Variants in HSP90AA1 observed in about 807,000 individuals in gnomAD.
HSP90AA1 encodes heat shock protein HSP 90-alpha.
In HSP90AA1, 18 loss-of-function variants were observed where a neutral mutation model predicts 73.3. The ratio of observed to expected loss-of-function variants is 0.25; its 90% CI spans 0.17 to 0.36. The LOEUF (loss-of-function observed/expected upper bound fraction) is 0.36. Among genes scored for constraint, HSP90AA1 ranks in the 10% least tolerant of loss-of-function variants. HSP90AA1 has a pLI of 1.00. For synonymous variants in HSP90AA1, 477 were observed against 296.9 expected (o/e 1.61, Z -6.24); for missense variants, 704 against 874.2 (o/e 0.81, Z 2.45).
intron 1 of HSP90AA1, among the ~76,000 whole-genome samples, chr14:102,130,182 G>A (rs1300324403): frequency 6.6e-6 from 1 of 152,144 alleles, no homozygotes; most frequent in African/African-American, 2.4e-5. Flanking sequence ...CGTTGGTGAG[G>A]CTGGTCTCGA....
chr14:102,121,896 CAT>C (rs994613226), intron 1 of HSP90AA1, among the ~76,000 whole-genome samples: 2 of 152,092 alleles, frequency 1.3e-5, no homozygotes, highest in Admixed American at 1.3e-4. Context: ...AATCCCTTGC[CAT>C]ATGTGTTGTG....
intron 1 of HSP90AA1, among the ~76,000 whole-genome samples, chr14:102,120,441 T>C (rs1333937017): frequency 6.6e-6 from 1 of 152,176 alleles, no homozygotes. Flanking sequence ...TATATTTATA[T>C]AGTACATTAC....
At chr14:102,134,732 A>G (rs2049960025) in intron 1 of HSP90AA1, among the ~76,000 whole-genome samples, 2 of 152,158 alleles carry the variant, frequency 1.3e-5, no homozygotes, top group African/African-American at 4.8e-5. Flanking sequence ...TGAGTGTTAC[A>G]GCTCATAAAA....
intron 1 of HSP90AA1, among the ~76,000 whole-genome samples, chr14:102,134,282 G>C (rs572025985): frequency 7.5e-6 from 1 of 133,304 alleles, no homozygotes; most frequent in South Asian, 2.3e-4. Context: ...CCGACATGGA[G>C]CCACTACTCA....
chr14:102,090,642 G>T (rs1016649545), upstream of HSP90AA1, among the ~76,000 whole-genome samples: 1 of 152,038 alleles, frequency 6.6e-6, no homozygotes, highest in African/African-American at 2.4e-5. Flanking sequence ...AAGTAGAGAG[G>T]GGGTTTCACC....
intron 2 of HSP90AA1, among the ~76,000 whole-genome samples, chr14:102,101,203 C>T (rs565356492): frequency 2.0e-5 from 3 of 152,354 alleles, no homozygotes; most frequent in Admixed American, 1.3e-4. Flanking sequence ...ATAATGTTCA[C>T]TGCCATATTA....
Position 102,082,304 on chromosome 14 carries a change from T to C in HSP90AA1, c.1896A>G (p.Lys632=), listed in dbSNP as rs776681824. 7 of 1,613,846 alleles carry C rather than the reference T, an allele frequency of 4.3e-6. No individual in the cohort carries two copies. The African/African-American group carries it at 6.7e-5, about 15-fold the overall frequency. ...NSTMGYMAAK[K]HLEINPDHSI... is the part of the protein sequence containing the mutation. Reference sequence around the variant, plus strand: ...AATGGTCAGGGTTTATCTCCAGGTGTTTCTTTGCTGCCATGTAACCCATTG... The same window carrying C: ...AATGGTCAGGGTTTATCTCCAGGTGCTTCTTTGCTGCCATGTAACCCATTG... The change falls in exon 10 of 11, where the codon AAA becomes AAG. Residue 632 remains lysine (K), a synonymous_variant. Transcript: ENST00000216281.
intron 1 of HSP90AA1, among the ~76,000 whole-genome samples, chr14:102,109,152 A>G (rs976135957): frequency 5.3e-5 from 8 of 152,158 alleles, no homozygotes; most frequent in Non-Finnish European, 7.4e-5. Flanking sequence ...GATAACCAAC[A>G]TTCTGACACC....
intron 1 of HSP90AA1, among the ~76,000 whole-genome samples, chr14:102,129,334 A>G (rs758316478): frequency 3.3e-5 from 5 of 151,036 alleles, no homozygotes; most frequent in Non-Finnish European, 7.4e-5. Context: ...TTTTAACTGC[A>G]CATATAATTC....
chr14:102,129,976 T>G (rs997255114), intron 1 of HSP90AA1, among the ~76,000 whole-genome samples: 57 of 116,870 alleles, frequency 4.9e-4, no homozygotes, highest in African/African-American at 1.5e-3. Context: ...TTTTTTTTGT[T>G]TTGTTTTGTT....
chr14:102,135,648 C>T (rs2152628127), intron 1 of HSP90AA1, among the ~76,000 whole-genome samples: 1 of 152,378 alleles, frequency 6.6e-6, no homozygotes, highest in Admixed American at 6.5e-5. Flanking sequence ...GGTCCCGGAG[C>T]CCTGCCCCGC....
intron 1 of HSP90AA1, among the ~76,000 whole-genome samples, chr14:102,119,997 CA>C (rs1262275651): frequency 1.2e-4 from 18 of 152,222 alleles, no homozygotes; most frequent in Middle Eastern, 3.4e-3. Context: ...AATCACTTAT[CA>C]CACCAAAAAG....
chr14:102,081,759 G>C lies in HSP90AA1; in HGVS notation c.2152C>G (p.Pro718Ala), dbSNP rs770739846. Reference protein sequence around the residue: ...TSAAVTEEMPPLEGDDDTSRM... With the variant: ...TSAAVTEEMPALEGDDDTSRM... ...GATGTGTCGTCATCTCCTTCAAGGG[G>C]TGGCATTTCTTCAGTTACAGCAGCA... The change falls in exon 11 of 11, where the codon CCC becomes GCC. Residue 718 changes from proline to alanine, a missense_variant. Physicochemically the swap from Pro to Ala is conservative, Grantham distance 27 (BLOSUM62 -1). Coordinates refer to ENST00000216281, the MANE Select transcript of HSP90AA1 (RefSeq NM_005348.4). 1 of 1,597,926 alleles carries C rather than the reference G, an allele frequency of 6.3e-7. No homozygotes were observed. Among genetic ancestry groups the C allele is most frequent in the Admixed American group, 1.7e-5 (1 of 59,962 alleles).
At chr14:102,125,846 G>A (rs1295542679) in intron 1 of HSP90AA1, among the ~76,000 whole-genome samples, 1 of 152,132 alleles carries the variant, frequency 6.6e-6, no homozygotes, top group Non-Finnish European at 1.5e-5. Context: ...TGGCAAGTGT[G>A]TATTGAGTAC....
rs1230445506 is a variant in HSP90AA1, at chr14:102,131,977, C to T, written c.155+7273G>A. On this transcript the variant is annotated intron_variant, in intron 1 of 11. Coordinates refer to the HSP90AA1 transcript ENST00000334701. ...ACAGGCTGGCTGTGGTGGCTCATAC[C>T]TGTAATCACAACACTTCGTGAGGCT... 6.6e-5 allele frequency among the ~76,000 whole-genome samples: 10 copies of T among 152,194 alleles called. No individual in the cohort carries two copies. The East Asian group carries it at 1.9e-3, about 29-fold the overall frequency.
intron 4 of HSP90AA1, 66 bp downstream of exon 4, chr14:102,085,232 G>A (rs1002389829): frequency 1.2e-5 from 18 of 1,525,290 alleles, no homozygotes; most frequent in Middle Eastern, 2.1e-4. Flanking sequence ...AGGGACTAAG[G>A]ATGTAGTACA....
chr14:102,109,212 A>G (rs1286498325), intron 1 of HSP90AA1, among the ~76,000 whole-genome samples: 1 of 152,168 alleles, frequency 6.6e-6, no homozygotes, highest in East Asian at 1.9e-4. Context: ...GAATTACACA[A>G]TACGTACTCT....
Position 102,084,000 on chromosome 14 carries a change from C to T in HSP90AA1, c.1148-17G>A, listed in dbSNP as rs758204285. On this transcript the variant is annotated splice_polypyrimidine_tract_variant and intron_variant, in intron 6 of 10. Coordinates refer to ENST00000216281, the MANE Select transcript of HSP90AA1 (RefSeq NM_005348.4). ...TAATGAAGTCTGAAAAAAATATAAA[C>T]CAAATGCACTGAGTCATTCCAAGGA... 3.8e-5 allele frequency: 60 copies of T among 1,587,892 alleles called. No individual in the cohort carries two copies. In the East Asian group the frequency reaches 1.2e-3, roughly 33 times the overall value.
chr14:102,127,788 A>G (rs1450438394), intron 1 of HSP90AA1, among the ~76,000 whole-genome samples: 1 of 152,070 alleles, frequency 6.6e-6, no homozygotes, highest in African/African-American at 2.4e-5. Context: ...AGTAGCTGGG[A>G]CTACAAGTGT....
Sources: gnomAD v4.1 joint callset for allele counts (sites outside exome capture counted in the v4.1 genomes callset) on GRCh38, gnomAD v4.1.1 for gene constraint, MANE v1.5 for transcripts, NCBI Gene and HGNC (gene_info 2026-07-23, HGNC 2026-07-21) for gene names.